Variants in PRKAA1 observed in about 807,000 individuals in gnomAD.
The protein encoded by PRKAA1 is protein kinase AMP-activated catalytic subunit alpha 1, also known as 5'-AMP-activated protein kinase catalytic subunit alpha-1.
Under a neutral mutation model 56.9 loss-of-function variants are expected in PRKAA1, and 23 were observed. That is an observed-to-expected ratio of 0.40 (90% CI 0.29 to 0.57). The LOEUF (loss-of-function observed/expected upper bound fraction) is 0.57. PRKAA1 is among the 20% of genes least tolerant of loss of function. PRKAA1 has a pLI of 0.39. For missense variants in PRKAA1, 413 were observed against 679.7 expected (o/e 0.61, Z 4.36); for synonymous variants, 226 against 227.0 (o/e 1.00, Z 0.04).
chr5:40,774,666 G>T (rs536070067), intron 3 of PRKAA1, among the ~76,000 whole-genome samples: 4 of 148,846 alleles, frequency 2.7e-5, no homozygotes, highest in African/African-American at 7.4e-5. Context: ...TAATAAGTTT[G>T]ATTTTGATAA....
At chr5:40,786,969 AAGAAAC>A (rs1280633087) in intron 1 of PRKAA1, among the ~76,000 whole-genome samples, 1 of 151,836 alleles carries the variant, frequency 6.6e-6, no homozygotes, top group African/African-American at 2.4e-5. Context: ...AACAAACAAA[AAGAAAC>A]AGAAAAAGAA....
At position 40,785,837 on chromosome 5, in the gene PRKAA1, CACAGAGAGAGAGAGAG is replaced by C. The variant is rs1427785903; in HGVS notation, c.128-8267_128-8252del. On this transcript the variant is annotated intron_variant, in intron 1 of 8. Transcript: ENST00000397128. ...GAAGAGGAGAGCACACACACACACA[CACAGAGAGAGAGAGAG>C]AGAGAGAGAGAGAGAGAGAGAGAGA... 4.6e-3 allele frequency among the ~76,000 whole-genome samples: 239 copies of C among 52,456 alleles called. 3 individuals carry two copies. In the Middle Eastern group the frequency reaches 0.065, roughly 14 times the overall value. 34.4% of individuals were successfully genotyped at this position (52,456 alleles called of 152,430 possible).
rs370962013 is a variant in PRKAA1 at position 40,769,987 on chromosome 5, A to G, written c.509-484T>C. The stretch of plus-strand genomic sequence containing the variant: ...CTCAAAAATGCACCCTATAAAAATA[A>G]TCAACTGAGGAATAAGAAATTCAAA... On this transcript the variant is annotated intron_variant, in intron 4 of 8. Transcript: ENST00000397128. 1.3e-4 allele frequency among the ~76,000 whole-genome samples: 20 copies of G among 152,172 alleles called. No individual in the cohort carries two copies. In the East Asian group the frequency reaches 3.7e-3, roughly 28 times the overall value.
chr5:40,771,995 T>C (rs548393128), intron 3 of PRKAA1, 132 bp from the exon 4 acceptor site: 1 of 1,133,120 alleles, frequency 8.8e-7, no homozygotes, highest in African/African-American at 1.6e-5. Context: ...TGAGATACTT[T>C]TGACATGAGG....
intron 3 of PRKAA1, chr5:40,774,894 TTC>T: frequency 6.5e-7 from 1 of 1,529,702 alleles, no homozygotes; most frequent in Non-Finnish European, 9.0e-7. Context: ...ACAAAGTTCC[TTC>T]CAGCTGTAAA....
chr5:40,763,191 T>C (rs1743272167), intron 8 of PRKAA1, among the ~76,000 whole-genome samples, 169 bp from the exon 9 acceptor site: 1 of 152,192 alleles, frequency 6.6e-6, no homozygotes, highest in Non-Finnish European at 1.5e-5. Context: ...ACTATTCATC[T>C]TTTTTACATA....
chr5:40,768,776 C>A, intron 5 of PRKAA1: 1 of 1,322,658 alleles, frequency 7.6e-7, no homozygotes, highest in South Asian at 2.1e-5. Flanking sequence ...CTTCTGTTTT[C>A]AATTTCAGTA....
intron 1 of PRKAA1, among the ~76,000 whole-genome samples, chr5:40,791,739 C>T (rs1456976788): frequency 1.3e-5 from 2 of 152,200 alleles, no homozygotes; most frequent in Non-Finnish European, 2.9e-5. Flanking sequence ...AGCAAACAAA[C>T]ATTTCAAGCA....
intron 1 of PRKAA1, among the ~76,000 whole-genome samples, chr5:40,787,758 G>A (rs900555231): frequency 5.3e-5 from 8 of 151,226 alleles, no homozygotes; most frequent in Non-Finnish European, 7.4e-5. Context: ...AGCCACAAAG[G>A]GGGAAAGTAA....
chr5:40,791,178 C>T (rs2112099028), intron 1 of PRKAA1, among the ~76,000 whole-genome samples: 1 of 152,350 alleles, frequency 6.6e-6, no homozygotes, highest in African/African-American at 2.4e-5. Context: ...AAACTAAATG[C>T]TGTTCCATAG....
intron 3 of PRKAA1, among the ~76,000 whole-genome samples, chr5:40,772,299 A>C (rs937031523): frequency 6.6e-6 from 1 of 152,244 alleles, no homozygotes; most frequent in African/African-American, 2.4e-5. Flanking sequence ...ACAAAGGCTA[A>C]TCTAGTTGAT....
chr5:40,786,465 G>A (rs1744489500), intron 1 of PRKAA1, among the ~76,000 whole-genome samples: 1 of 151,952 alleles, frequency 6.6e-6, no homozygotes, highest in African/African-American at 2.4e-5. Flanking sequence ...TTTATCAGTT[G>A]AAAAGTGGAT....
chr5:40,781,231 GT>G, intron 1 of PRKAA1, among the ~76,000 whole-genome samples: 1 of 152,092 alleles, frequency 6.6e-6, no homozygotes, highest in Non-Finnish European at 1.5e-5. Flanking sequence ...TGATCTTTCA[GT>G]ATTTCAACAT....
At chr5:40,766,104 AC>A (rs1197607590) in intron 6 of PRKAA1, among the ~76,000 whole-genome samples, 1 of 152,224 alleles carries the variant, frequency 6.6e-6, no homozygotes, top group African/African-American at 2.4e-5. Context: ...ACAAACAAAA[AC>A]ATTTCTTACC....
rs1294702692 is a variant in PRKAA1 at position 40,762,604 on chromosome 5, T to C, written c.*174A>G. Reference sequence around the variant, plus strand: ...TGAACAACAAAATGATCTTAATTCATTTCTGCATATTAGGCTTTTAACTAT... The same window carrying C: ...TGAACAACAAAATGATCTTAATTCACTTCTGCATATTAGGCTTTTAACTAT... On this transcript the variant is annotated 3_prime_UTR_variant, in exon 9 of 9. Transcript: ENST00000397128. The C allele has an allele frequency of 4.0e-6, 3 of 743,958 alleles. No homozygotes were observed. Among genetic ancestry groups the C allele is most frequent in the Non-Finnish European group, 4.2e-6 (2 of 474,864 alleles). 46.1% of individuals were successfully genotyped at this position (743,958 alleles called of 1,614,324 possible).
chr5:40,785,860 A>G lies in PRKAA1; in HGVS notation c.128-8274T>C, dbSNP rs1217801587. Among the ~76,000 whole-genome samples the G allele has an allele frequency of 2.8e-4, 42 of 149,878 alleles. No individual in the cohort carries two copies. The South Asian group carries it at 8.0e-3, about 29-fold the overall frequency. The stretch of plus-strand genomic sequence containing the variant: ...CACACAGAGAGAGAGAGAGAGAGAG[A>G]GAGAGAGAGAGAGAGAGAGCAAGCG... On this transcript the variant is annotated intron_variant, in intron 1 of 8. Transcript: ENST00000397128.
rs34749478 is a variant in PRKAA1, at chr5:40,786,786, C to CAAAAAAAA, written c.128-9208_128-9201dup. On this transcript the variant is annotated intron_variant, in intron 1 of 8. Transcript: ENST00000397128. ...TGAAACCCTGTCTCTACTAAAAATA[C>CAAAAAAAA]AAAAAAAAAAAAAAAAAAAAAAAAA... is the stretch of plus-strand genomic sequence containing the variant. 1.4e-3 allele frequency among the ~76,000 whole-genome samples: 62 copies of CAAAAAAAA among 43,514 alleles called. 2 individuals are homozygous for CAAAAAAAA. Among genetic ancestry groups the CAAAAAAAA allele is most frequent in the African/African-American group, 4.4e-3 (49 of 11,040 alleles). 28.5% of individuals were successfully genotyped at this position (43,514 alleles called of 152,430 possible). A position where few individuals can be genotyped will look rare whatever the true frequency, so the allele number is the denominator to read the frequency against.
rs776543926 is a variant in PRKAA1 at position 40,775,458 on chromosome 5, T to A, written c.315A>T (p.Glu105Asp). The change falls in exon 3 of 9, where the codon GAA becomes GAT. Residue 105 changes from glutamate (E) to aspartate (D), a missense_variant. By Grantham distance (45) the Glu-to-Asp change is conservative. Transcript: ENST00000397128. ...CAAATAGCTCTCCTCCTGAGACATA[T>A]TCCATCACCATGAAAATATCAGATG... ...STPSDIFMVM[E>D]YVSGGELFDY... 1 of 1,608,888 alleles carries A rather than the reference T, an allele frequency of 6.2e-7. No homozygotes were observed. Among genetic ancestry groups the A allele is most frequent in the Non-Finnish European group, 8.5e-7 (1 of 1,175,308 alleles).
chr5:40,783,919 C>A (rs115751252), intron 1 of PRKAA1, among the ~76,000 whole-genome samples: 1 of 152,078 alleles, frequency 6.6e-6, no homozygotes, highest in South Asian at 2.1e-4. Flanking sequence ...GCACAGACCT[C>A]GGTTTTATTC....
Sources: gnomAD v4.1 joint callset for allele counts (sites outside exome capture counted in the v4.1 genomes callset) on GRCh38, gnomAD v4.1.1 for gene constraint, MANE v1.5 for transcripts, NCBI Gene and HGNC (gene_info 2026-07-23, HGNC 2026-07-21) for gene names.